CLYBL: variants seen among roughly 807,000 people sequenced by gnomAD.
CLYBL encodes citramalyl-CoA lyase, mitochondrial.
In CLYBL, 31 loss-of-function variants were observed where a neutral mutation model predicts 38.9. That is an observed-to-expected ratio of 0.80 (90% CI 0.60 to 1.08). The LOEUF is 1.08. Ranked by LOEUF, CLYBL falls within the 50% of genes least tolerant of loss-of-function variation. CLYBL has a pLI of 0.00. For missense variants in CLYBL, 434 were observed against 411.6 expected, an observed-to-expected ratio of 1.05 and a Z score of -0.47; for synonymous variants, 171 against 158.6, an observed-to-expected ratio of 1.08 and a Z score of -0.59.
At chr13:99,650,851 A>G (rs2047243804) in intron 1 of CLYBL, among the ~76,000 whole-genome samples, 1 of 152,058 alleles carries the variant, frequency 6.6e-6, no homozygotes, top group Admixed American at 6.6e-5. Flanking sequence ...CACTCTCAAC[A>G]CTGAGGAATG....
downstream of CLYBL, among the ~76,000 whole-genome samples, chr13:99,897,945 A>AAAAAAG (rs1555326969): frequency 6.6e-6 from 1 of 151,826 alleles, no homozygotes; most frequent in Non-Finnish European, 1.5e-5. Context: ...CGTCTCAAAA[A>AAAAAAG]AAAGAAAGAA....
chr13:99,668,109 A>T (rs1364765904), intron 1 of CLYBL, among the ~76,000 whole-genome samples: 1 of 152,074 alleles, frequency 6.6e-6, no homozygotes, highest in Non-Finnish European at 1.5e-5. Flanking sequence ...CCCTGTCTCT[A>T]CATAAAATAC....
intron 1 of CLYBL, among the ~76,000 whole-genome samples, chr13:99,737,865 C>T (rs1594150112): frequency 2.0e-5 from 3 of 152,170 alleles, no homozygotes; most frequent in Admixed American, 6.5e-5. Flanking sequence ...AGCTACTGTG[C>T]GCGTCAATTT....
At chr13:99,652,282 G>A (rs897406281) in intron 1 of CLYBL, among the ~76,000 whole-genome samples, 1 of 152,198 alleles carries the variant, frequency 6.6e-6, no homozygotes, top group Non-Finnish European at 1.5e-5. Context: ...GGTGAAGTGT[G>A]TTTTGGGATA....
intron 2 of CLYBL, among the ~76,000 whole-genome samples, chr13:99,817,572 G>A (rs9517890): frequency 0.054 from 8,043 of 149,304 alleles, 313 homozygotes; most frequent in Middle Eastern, 0.14. Flanking sequence ...GGAGAATGGC[G>A]TGAACCCGGG....
chr13:99,737,848 A>T lies in CLYBL; in HGVS notation c.63-34976A>T, dbSNP rs544242869. On this transcript the variant is annotated intron_variant, in intron 1 of 8. Transcript: ENST00000339105. ...ACAGTGAAGTCCTCCAACTTTTAGAAGAGGCTAGCTACTGTGCGCGTCAAT... is the reference window on the plus strand; with the variant it reads ...ACAGTGAAGTCCTCCAACTTTTAGATGAGGCTAGCTACTGTGCGCGTCAAT... Among the ~76,000 whole-genome samples the T allele has an allele frequency of 5.9e-5, 9 of 152,332 alleles. No homozygotes were observed. The East Asian group carries it at 1.5e-3, about 26-fold the overall frequency.
At chr13:99,771,296 C>T (rs1340913067) in intron 1 of CLYBL, among the ~76,000 whole-genome samples, 1 of 152,148 alleles carries the variant, frequency 6.6e-6, no homozygotes, top group African/African-American at 2.4e-5. Flanking sequence ...ATCTGCCTGC[C>T]TTGGCTTCCC....
chr13:99,805,582 G>A (rs901060348), intron 2 of CLYBL, among the ~76,000 whole-genome samples: 3 of 151,922 alleles, frequency 2.0e-5, no homozygotes, highest in African/African-American at 7.3e-5. Context: ...GGAAGGAGGG[G>A]GTGGGGGAGG....
rs761867568 is a variant in CLYBL at position 99,697,236 on chromosome 13, G to A, written c.63-75588G>A. Among the ~76,000 whole-genome samples the A allele has an allele frequency of 7.9e-4, 121 of 152,316 alleles. 3 individuals carry two copies. The highest frequency in any genetic ancestry group is 3.4e-3 in the Middle Eastern group (1 of 294). On this transcript the variant is annotated intron_variant, in intron 1 of 8. Transcript: ENST00000339105. ...CTTGGAAGGGTAATTGTAAAGGGGTGTGCAGACAGTGGGGTTACTGTTATT... is the reference window on the plus strand; with the variant it reads ...CTTGGAAGGGTAATTGTAAAGGGGTATGCAGACAGTGGGGTTACTGTTATT...
At chr13:99,645,855 A>G (rs1481517894) in intron 1 of CLYBL, among the ~76,000 whole-genome samples, 7 of 151,890 alleles carry the variant, frequency 4.6e-5, no homozygotes, top group Admixed American at 4.6e-4. Flanking sequence ...CCATTTGTCT[A>G]TTTTTGCTTC....
At chr13:99,817,698 G>GC (rs1300591612) in intron 2 of CLYBL, among the ~76,000 whole-genome samples, 1 of 150,088 alleles carries the variant, frequency 6.7e-6, no homozygotes, top group Non-Finnish European at 1.5e-5. Flanking sequence ...AAAGCACTGA[G>GC]CTAAAGTAAA....
intron 2 of CLYBL, among the ~76,000 whole-genome samples, chr13:99,846,853 G>C (rs2051217497): frequency 6.6e-6 from 1 of 152,168 alleles, no homozygotes; most frequent in South Asian, 2.1e-4. Context: ...ACAGCAACGT[G>C]GGCACAGCTG....
chr13:99,642,212 C>G (rs972215152), intron 1 of CLYBL, among the ~76,000 whole-genome samples: 2 of 152,098 alleles, frequency 1.3e-5, no homozygotes, highest in Admixed American at 1.3e-4. Context: ...TGGCCTCAGC[C>G]CTGTGCATGC....
chr13:99,738,692 A>G (rs188642707), intron 1 of CLYBL, among the ~76,000 whole-genome samples: 81 of 152,290 alleles, frequency 5.3e-4, no homozygotes, highest in African/African-American at 1.9e-3. Flanking sequence ...GAAACCCCGA[A>G]AACTTAGGTA....
At chr13:99,607,790 C>T (rs1022253656) in intron 1 of CLYBL, among the ~76,000 whole-genome samples, 8 of 152,160 alleles carry the variant, frequency 5.3e-5, no homozygotes, top group African/African-American at 9.7e-5. Flanking sequence ...GTCACCTAGG[C>T]TGTAGTACAG....
chr13:99,866,177 T>C, intron 5 of CLYBL, 63 bp from the exon 6 acceptor site: 1 of 1,491,392 alleles, frequency 6.7e-7, no homozygotes, highest in South Asian at 1.2e-5. Flanking sequence ...GGTTTTATAA[T>C]AAATATCTGG....
At chr13:99,897,488 G>A (rs965546700), downstream of CLYBL, among the ~76,000 whole-genome samples, 4 of 152,152 alleles carry the variant, frequency 2.6e-5, no homozygotes, top group African/African-American at 7.2e-5. Context: ...CAAGCTACCC[G>A]CACCTAAGTC....
In CLYBL at chr13:99,609,237, C is replaced by T. The variant is rs774152536; in HGVS notation, c.62+2480C>T. Among the ~76,000 whole-genome samples, 20 of 128,560 alleles carry T rather than the reference C, an allele frequency of 1.6e-4. 1 individual carries two copies. Among genetic ancestry groups the T allele is most frequent in the Admixed American group, 2.8e-4 (3 of 10,786 alleles). The allele number at this position is 128,560 out of a possible 152,430, so 84.3% of individuals were successfully genotyped here. A position where few individuals can be genotyped will look rare whatever the true frequency, so the allele number is the denominator to read the frequency against. On this transcript the variant is annotated intron_variant, in intron 1 of 8. Coordinates refer to ENST00000339105, the MANE Select transcript of CLYBL (RefSeq NM_206808.5). ...CTGTCACCAGGCTGGAGTTCAGTGG[C>T]GCAATTTCTGCCCACTGCAACCTCT...
rs370621721 is a variant in CLYBL at position 99,629,097 on chromosome 13, T to C, written c.62+22340T>C. On this transcript the variant is annotated intron_variant, in intron 1 of 8. Coordinates refer to ENST00000339105, the MANE Select transcript of CLYBL (RefSeq NM_206808.5). Reference sequence around the variant, plus strand: ...GTGACAGGCAGAGAGAGCCCTGGGGTTGGGGGAACAAGGAAGTGTTTCCAG... The same window carrying C: ...GTGACAGGCAGAGAGAGCCCTGGGGCTGGGGGAACAAGGAAGTGTTTCCAG... Among the ~76,000 whole-genome samples the C allele has an allele frequency of 2.6e-4, 39 of 152,242 alleles. 1 individual carries two copies. In the South Asian group the frequency reaches 6.0e-3, roughly 23 times the overall value.
Sources: gnomAD v4.1 joint callset for allele counts (sites outside exome capture counted in the v4.1 genomes callset) on GRCh38, gnomAD v4.1.1 for gene constraint, MANE v1.5 for transcripts, NCBI Gene and HGNC (gene_info 2026-07-23, HGNC 2026-07-21) for gene names.